The following COMMD10 variants were observed in gnomAD, a reference collection of about 807,000 sequenced individuals.
The protein encoded by COMMD10 is COMM domain-containing protein 10.
A neutral mutation model predicts 28.9 loss-of-function variants in COMMD10; 33 were observed. That is an observed-to-expected ratio of 1.14 (90% CI 0.87 to 1.53). The LOEUF is 1.53. Ranked by LOEUF, COMMD10 falls within the 40% of genes most tolerant of loss-of-function variation. The pLI, the probability that COMMD10 is intolerant of heterozygous loss-of-function variation, is 0.00. For synonymous variants in COMMD10, 110 were observed against 81.7 expected, an observed-to-expected ratio of 1.35 and a Z score of -1.87; for missense variants, 310 against 233.4, an observed-to-expected ratio of 1.33 and a Z score of -2.14.
At chr5:116,275,027 A>C (rs1411404413) in intron 5 of COMMD10, among the ~76,000 whole-genome samples, 2 of 151,738 alleles carry the variant, frequency 1.3e-5, no homozygotes, top group African/African-American at 4.9e-5. Flanking sequence ...CTGAACTTGA[A>C]ATTCCCAACC....
chr5:116,198,704 A>G (rs1379596789), intron 5 of COMMD10, among the ~76,000 whole-genome samples: 2 of 152,278 alleles, frequency 1.3e-5, no homozygotes, highest in African/African-American at 4.8e-5. Flanking sequence ...TATACCTGGA[A>G]TCATACAGTA....
At chr5:116,218,280 C>T in intron 5 of COMMD10, 1 of 728,902 alleles carries the variant, frequency 1.4e-6, no homozygotes, top group Non-Finnish European at 2.6e-6. Context: ...TCCCCTTCAG[C>T]CTTTCTCTTG....
At chr5:116,150,525 T>G (rs999548207) in intron 5 of COMMD10, among the ~76,000 whole-genome samples, 1 of 148,044 alleles carries the variant, frequency 6.8e-6, no homozygotes, top group Non-Finnish European at 1.5e-5. Flanking sequence ...TATCCTCTTT[T>G]ATTTCGTTGA....
chr5:116,227,719 G>A (rs1252295495), intron 5 of COMMD10, among the ~76,000 whole-genome samples: 2 of 151,896 alleles, frequency 1.3e-5, no homozygotes, highest in Admixed American at 6.6e-5. Flanking sequence ...TGGTGATGCC[G>A]AGCATTCACA....
intron 5 of COMMD10, among the ~76,000 whole-genome samples, chr5:116,243,560 C>A (rs1189073187): frequency 6.6e-6 from 1 of 151,998 alleles, no homozygotes; most frequent in Admixed American, 6.5e-5. Context: ...AAATATAGTT[C>A]AGCCAAAAAT....
intron 5 of COMMD10, among the ~76,000 whole-genome samples, chr5:116,137,980 G>A (rs1376767528): frequency 6.6e-6 from 1 of 151,714 alleles, no homozygotes; most frequent in Non-Finnish European, 1.5e-5. Flanking sequence ...TTTCGTTAGG[G>A]GGCAGTAGAG....
In COMMD10 at chr5:116,233,044, T is replaced by C. The variant is rs570428136; in HGVS notation, c.511-58473T>C. Among the ~76,000 whole-genome samples, 3 of 152,296 alleles carry C rather than the reference T, an allele frequency of 2.0e-5. No homozygotes were observed. The South Asian group carries it at 6.2e-4, about 32-fold the overall frequency. ...CGGTAGCATTTATAATATTTATTCATTCAACAAATATTTATTGAACGCTTA... is the reference window on the plus strand; with the variant it reads ...CGGTAGCATTTATAATATTTATTCACTCAACAAATATTTATTGAACGCTTA... On this transcript the variant is annotated intron_variant, in intron 5 of 6. Transcript: ENST00000274458.
chr5:116,143,347 C>T (rs989104830), intron 5 of COMMD10, among the ~76,000 whole-genome samples: 1 of 151,452 alleles, frequency 6.6e-6, no homozygotes, highest in African/African-American at 2.4e-5. Flanking sequence ...ATTAATACAC[C>T]ATTAGAGGTT....
At chr5:116,100,694 A>G (rs909378314) in intron 4 of COMMD10, among the ~76,000 whole-genome samples, 1 of 152,044 alleles carries the variant, frequency 6.6e-6, no homozygotes, top group Non-Finnish European at 1.5e-5. Context: ...AAAACTTGAC[A>G]TTAATAGCTT....
chr5:116,090,150 T>C (rs367913036), intron 2 of COMMD10, among the ~76,000 whole-genome samples: 1 of 149,238 alleles, frequency 6.7e-6, no homozygotes, highest in Non-Finnish European at 1.5e-5. Flanking sequence ...TATGAGGGAC[T>C]AAGACAACTT....
rs527704094 is a variant in COMMD10, at chr5:116,230,521, C to G, written c.511-60996C>G. Among the ~76,000 whole-genome samples, 6 of 152,122 alleles carry G rather than the reference C, an allele frequency of 3.9e-5. No individual in the cohort carries two copies. The South Asian group carries it at 6.2e-4, about 16-fold the overall frequency. ...AAATACCTGCTGAATTAAGGAAACA[C>G]AAATTTATGTTCTACATCACGATGT... On this transcript the variant is annotated intron_variant, in intron 5 of 6. Transcript: ENST00000274458.
At chr5:116,161,033 A>C (rs1370298631) in intron 5 of COMMD10, among the ~76,000 whole-genome samples, 1 of 152,136 alleles carries the variant, frequency 6.6e-6, no homozygotes, top group Non-Finnish European at 1.5e-5. Flanking sequence ...CTTTGAAAAA[A>C]TATCTCATTT....
chr5:116,213,715 T>C lies in COMMD10; in HGVS notation c.511-77802T>C, dbSNP rs73259036. On this transcript the variant is annotated intron_variant, in intron 5 of 6. Coordinates refer to ENST00000274458, the MANE Select transcript of COMMD10 (RefSeq NM_016144.4). ...AAAAACTTAGATACCATATATTTTT[T>C]TATTAGTCTTATTTTAATTTTCCAG... Among the ~76,000 whole-genome samples, 1,205 of 152,210 alleles carry C rather than the reference T, an allele frequency of 7.9e-3. 15 individuals carry two copies. The highest frequency in any genetic ancestry group is 0.027 in the African/African-American group (1,113 of 41,544).
chr5:116,217,380 T>G lies in COMMD10; in HGVS notation c.511-74137T>G, dbSNP rs191774414. On this transcript the variant is annotated intron_variant, in intron 5 of 6. Transcript: ENST00000274458. ...GCCACTATAAAACCCAATGAAGTCT[T>G]CATCTGATGCTCTGAACAGGCAAAG... is the stretch of plus-strand genomic sequence containing the variant. 2.9e-3 allele frequency among the ~76,000 whole-genome samples: 449 copies of G among 152,294 alleles called. 3 individuals carry two copies. The highest frequency in any genetic ancestry group is 0.01 in the African/African-American group (431 of 41,546).
At chr5:116,150,306 T>G (rs1490160940) in intron 5 of COMMD10, among the ~76,000 whole-genome samples, 13 of 152,116 alleles carry the variant, frequency 8.5e-5, no homozygotes, top group African/African-American at 1.7e-4. Context: ...CTCCAGCTTT[T>G]TTCTTTTTGC....
At chr5:116,095,115 A>T (rs79747628) in intron 4 of COMMD10, among the ~76,000 whole-genome samples, 2,953 of 152,270 alleles carry the variant, frequency 0.019, 88 homozygotes, top group African/African-American at 0.062. Flanking sequence ...ATAGTTTAGT[A>T]TGGTGCTTAT....
intron 5 of COMMD10, among the ~76,000 whole-genome samples, chr5:116,190,086 A>G (rs1240185206): frequency 6.6e-6 from 1 of 152,156 alleles, no homozygotes; most frequent in East Asian, 1.9e-4. Context: ...TTGGATGAGT[A>G]TATATCAGGG....
At chr5:116,236,341 T>TA (rs1749660335) in intron 5 of COMMD10, among the ~76,000 whole-genome samples, 1 of 151,712 alleles carries the variant, frequency 6.6e-6, no homozygotes, top group African/African-American at 2.4e-5. Flanking sequence ...CTGTCTCTAC[T>TA]AAAAGTACAA....
intron 5 of COMMD10, among the ~76,000 whole-genome samples, chr5:116,199,247 C>T (rs929313571): frequency 1.3e-5 from 2 of 152,042 alleles, no homozygotes; most frequent in African/African-American, 4.8e-5. Flanking sequence ...TATTTGGCAT[C>T]TGTGTAACTT....
Sources: allele counts gnomAD v4.1 joint callset (sites outside exome capture counted in the v4.1 genomes callset), GRCh38; gene constraint gnomAD v4.1.1; transcripts MANE v1.5; gene names NCBI Gene and HGNC (gene_info 2026-07-23, HGNC 2026-07-21).